Variants in RPS6KC1 observed in about 807,000 individuals in gnomAD.
RPS6KC1 encodes ribosomal protein S6 kinase C1.
A neutral mutation model predicts 103.8 loss-of-function variants in RPS6KC1; 54 were observed. The observed-to-expected ratio is 0.52, with a 90% CI of 0.42 to 0.65. The LOEUF is 0.65. Among genes scored for constraint, RPS6KC1 ranks in the 30% least tolerant of loss-of-function variants. The pLI is 0.00. For synonymous variants in RPS6KC1, 439 were observed against 438.7 expected, an observed-to-expected ratio of 1.00 and a Z score of -0.01; for missense variants, 1,151 against 1,253.8, an observed-to-expected ratio of 0.92 and a Z score of 1.24.
chr1:213,682,072 G>A, the RPS6KC1 span, among the ~76,000 whole-genome samples: 2 of 152,152 alleles, frequency 1.3e-5, no homozygotes, highest in Non-Finnish European at 2.9e-5. Flanking sequence ...TGCCATAGAG[G>A]GACCAGTCAT....
chr1:213,213,871 T>C (rs2093584542), intron 8 of RPS6KC1, among the ~76,000 whole-genome samples: 1 of 152,210 alleles, frequency 6.6e-6, no homozygotes, highest in Non-Finnish European at 1.5e-5. Context: ...CAAACTATGA[T>C]TTTTAAAAAA....
the RPS6KC1 span, among the ~76,000 whole-genome samples, chr1:213,453,907 T>A: frequency 6.6e-6 from 1 of 152,230 alleles, no homozygotes; most frequent in East Asian, 1.9e-4. Context: ...CATTGGAAAA[T>A]TTTTTGGAGA....
chr1:213,232,847 AT>A (rs200603229), intron 10 of RPS6KC1, among the ~76,000 whole-genome samples: 42 of 151,014 alleles, frequency 2.8e-4, no homozygotes, highest in African/African-American at 8.7e-4. Context: ...TAATGTTTTG[AT>A]TTTTTTTTGC....
chr1:213,082,319 T>A (rs2079973807), intron 3 of RPS6KC1, among the ~76,000 whole-genome samples: 1 of 151,982 alleles, frequency 6.6e-6, no homozygotes, highest in Non-Finnish European at 1.5e-5. Flanking sequence ...TAGTCCCAAC[T>A]ACTCAGGCGG....
chr1:213,110,934 T>C (rs1374005654), intron 4 of RPS6KC1, among the ~76,000 whole-genome samples: 2 of 151,694 alleles, frequency 1.3e-5, no homozygotes, highest in Non-Finnish European at 2.9e-5. Context: ...TTATTGACAA[T>C]ATTTGGGGTG....
chr1:213,056,334 G>A (rs923563760), intron 1 of RPS6KC1, among the ~76,000 whole-genome samples: 5 of 152,192 alleles, frequency 3.3e-5, no homozygotes, highest in Non-Finnish European at 5.9e-5. Context: ...AAGTGGTAGA[G>A]TCTACATTTG....
At chr1:213,260,866 GAGAT>G (rs1558651775) in intron 12 of RPS6KC1, among the ~76,000 whole-genome samples, 1 of 152,002 alleles carries the variant, frequency 6.6e-6, no homozygotes, top group African/African-American at 2.4e-5. Context: ...GTGCTGGCGA[GAGAT>G]AGGGATAACA....
intron 12 of RPS6KC1, among the ~76,000 whole-genome samples, chr1:213,248,980 T>G (rs1245632052): frequency 6.6e-6 from 1 of 152,230 alleles, no homozygotes; most frequent in Non-Finnish European, 1.5e-5. Context: ...AGGGTTTATG[T>G]CAAGCTTTAG....
At chr1:213,162,602 G>A (rs1025237969) in intron 6 of RPS6KC1, among the ~76,000 whole-genome samples, 1 of 152,180 alleles carries the variant, frequency 6.6e-6, no homozygotes, top group Non-Finnish European at 1.5e-5. Context: ...ATTTTGAAGG[G>A]AGTAAATAAG....
intron 12 of RPS6KC1, among the ~76,000 whole-genome samples, chr1:213,260,165 T>C (rs1289495874): frequency 6.6e-6 from 1 of 152,252 alleles, no homozygotes; most frequent in Non-Finnish European, 1.5e-5. Flanking sequence ...TGCAAATAGT[T>C]CTAAGAACGT....
At chr1:213,288,214 C>T in the RPS6KC1 span, among the ~76,000 whole-genome samples, 2 of 152,230 alleles carry the variant, frequency 1.3e-5, no homozygotes, top group African/African-American at 2.4e-5. Context: ...CTTACACATT[C>T]TTACTTGCTA....
rs545450451 is a variant in RPS6KC1, at chr1:213,230,267, A to G, written c.1045-230A>G. On this transcript the variant is annotated intron_variant, in intron 8 of 14. Transcript: ENST00000366960. Reference sequence around the variant, plus strand: ...TTTTAAAATACTTTAGGAAACAGTAATGTTTCTAAAATACGGCATTTTTAG... The same window carrying G: ...TTTTAAAATACTTTAGGAAACAGTAGTGTTTCTAAAATACGGCATTTTTAG... 9.8e-5 allele frequency among the ~76,000 whole-genome samples: 15 copies of G among 152,324 alleles called. No individual in the cohort carries two copies. The South Asian group carries it at 2.3e-3, about 23-fold the overall frequency.
At chr1:213,861,969 C>G in the RPS6KC1 span, among the ~76,000 whole-genome samples, 1 of 152,250 alleles carries the variant, frequency 6.6e-6, no homozygotes, top group Middle Eastern at 3.4e-3. Context: ...ATCTCAGAAG[C>G]AGACTTCAAG....
At chr1:213,424,844 A>G in the RPS6KC1 span, among the ~76,000 whole-genome samples, 2 of 152,190 alleles carry the variant, frequency 1.3e-5, no homozygotes, top group African/African-American at 4.8e-5. Flanking sequence ...TATTTACTAA[A>G]GAGAAAAAGT....
At chr1:213,419,794 T>A in the RPS6KC1 span, among the ~76,000 whole-genome samples, 2 of 152,234 alleles carry the variant, frequency 1.3e-5, no homozygotes, top group Admixed American at 1.3e-4. Context: ...GTGAGCTGCA[T>A]GTGTCAGGGT....
chr1:213,341,238 AT>A, the RPS6KC1 span, among the ~76,000 whole-genome samples: 1 of 152,174 alleles, frequency 6.6e-6, no homozygotes, highest in Non-Finnish European at 1.5e-5. Context: ...CACCTTCTCA[AT>A]TAAGAACAGC....
the RPS6KC1 span, among the ~76,000 whole-genome samples, chr1:213,601,053 G>A: frequency 1.3e-5 from 2 of 152,200 alleles, no homozygotes; most frequent in African/African-American, 4.8e-5. Flanking sequence ...ACAAATAAAT[G>A]ATCCTCATTC....
chr1:213,499,952 GGGT>G, the RPS6KC1 span, among the ~76,000 whole-genome samples: 2 of 152,176 alleles, frequency 1.3e-5, no homozygotes, highest in African/African-American at 4.8e-5. Context: ...AAGTTTCTCT[GGGT>G]GAGTTAGTGA....
At chr1:213,766,788 C>T in the RPS6KC1 span, among the ~76,000 whole-genome samples, 1 of 152,096 alleles carries the variant, frequency 6.6e-6, no homozygotes, top group Non-Finnish European at 1.5e-5. Flanking sequence ...CTAACTGGCT[C>T]TATCTCATTA....
Sources: gnomAD v4.1 joint callset for allele counts (sites outside exome capture counted in the v4.1 genomes callset) on GRCh38, gnomAD v4.1.1 for gene constraint, MANE v1.5 for transcripts, NCBI Gene and HGNC (gene_info 2026-07-23, HGNC 2026-07-21) for gene names.